Variants in GUF1 observed in about 807,000 individuals in gnomAD.
GUF1 encodes the protein GTP binding elongation factor GUF1, also known as translation factor GUF1, mitochondrial.
GUF1 carries 78 observed loss-of-function variants against 82.4 expected under a neutral mutation model. The ratio of observed to expected loss-of-function variants is 0.95; its 90% CI spans 0.79 to 1.14. GUF1 has a LOEUF of 1.14. GUF1 is among the 50% of genes most tolerant of loss of function. The pLI is 0.00. For missense variants in GUF1, 814 were observed against 798.2 expected, an observed-to-expected ratio of 1.02 and a Z score of -0.24; for synonymous variants, 279 against 282.3, an observed-to-expected ratio of 0.99 and a Z score of 0.12.
chr4:44,696,500 T>C (rs1352791391), intron 15 of GUF1, among the ~76,000 whole-genome samples: 1 of 152,202 alleles, frequency 6.6e-6, no homozygotes, highest in East Asian at 1.9e-4. Flanking sequence ...ATGTGTCTTG[T>C]AGCACTTCCC....
At chr4:44,688,640 C>T (rs1358840611) in intron 9 of GUF1, among the ~76,000 whole-genome samples, 2 of 151,864 alleles carry the variant, frequency 1.3e-5, no homozygotes, top group Non-Finnish European at 2.9e-5. Flanking sequence ...GATTGAAGGT[C>T]ATCAGGTTAC....
At position 44,698,763 on chromosome 4, in the gene GUF1, T is replaced by C; in HGVS notation, c.*82T>C. On this transcript the variant is annotated 3_prime_UTR_variant, in exon 17 of 17. Transcript: ENST00000281543. ...AAAATTATAAAATTTGCTTGTTACTTTCAGGGTATTCAGGTTCAAATAACC... is the reference window on the plus strand; with the variant it reads ...AAAATTATAAAATTTGCTTGTTACTCTCAGGGTATTCAGGTTCAAATAACC... 1 of 1,242,760 alleles carries C rather than the reference T, an allele frequency of 8.0e-7. No homozygotes were observed. Among genetic ancestry groups the C allele is most frequent in the Non-Finnish European group, 1.1e-6 (1 of 895,396 alleles). 77.0% of individuals were successfully genotyped at this position (1,242,760 alleles called of 1,614,324 possible). A position where few individuals can be genotyped will look rare whatever the true frequency, so the allele number is the denominator to read the frequency against.
chr4:44,682,758 A>G (rs552975856), intron 5 of GUF1: 23 of 171,972 alleles, frequency 1.3e-4, no homozygotes, highest in Non-Finnish European at 2.7e-4. Context: ...AAGCATGACA[A>G]TTTAGTGCTA....
Position 44,678,688 on chromosome 4 carries a change from C to G in GUF1, c.66C>G (p.Ala22=), listed in dbSNP as rs759721420. 1.9e-5 allele frequency: 29 copies of G among 1,502,810 alleles called. No homozygotes were observed. Among genetic ancestry groups the G allele is most frequent in the Non-Finnish European group, 2.4e-5 (27 of 1,139,944 alleles). 93.1% of individuals were successfully genotyped at this position (1,502,810 alleles called of 1,614,324 possible). ...ARALAPRATG[A]ALLVAPGPRS... ...CTCTCGCGCCACGAGCCACTGGGGC[C>G]GCGCTTCTGGTGGCCCCGGGGCCCC... Residue 22 remains alanine (A), a synonymous_variant, in exon 1 of 17, where the codon GCC becomes GCG. Coordinates refer to ENST00000281543, the MANE Select transcript of GUF1 (RefSeq NM_021927.3).
Position 44,680,680 on chromosome 4 carries a change from G to A in GUF1, c.278-14G>A. On this transcript the variant is annotated splice_polypyrimidine_tract_variant and intron_variant, in intron 2 of 16. Transcript: ENST00000281543. ...AAAGCCCAGAGAAATATCAATAAGT[G>A]TTTCTGTTTATAGGGACAATTGATA... 6.5e-7 allele frequency: 1 copy of A among 1,541,900 alleles called. No homozygotes were observed. The highest frequency in any genetic ancestry group is 8.8e-7 in the Non-Finnish European group (1 of 1,136,982).
In GUF1 at chr4:44,685,985, T is replaced by G; in HGVS notation, c.696T>G (p.Val232=). Residue 232 remains valine (V), a synonymous_variant, in exon 7 of 17, where the codon GTT becomes GTG. Coordinates refer to ENST00000281543, the MANE Select transcript of GUF1 (RefSeq NM_021927.3). The part of the protein sequence containing the change: ...IKISAKLGTN[V]ESVLQAIIER... ...TTTCTGCTAAACTTGGAACAAATGT[T>G]GAGAGTGTTCTTCAGGCAATTATTG... 6.2e-7 allele frequency: 1 copy of G among 1,606,920 alleles called. No individual in the cohort carries two copies. Among genetic ancestry groups the G allele is most frequent in the South Asian group, 1.1e-5 (1 of 90,932 alleles).
At chr4:44,690,515 G>C (rs1260085710) in intron 11 of GUF1, among the ~76,000 whole-genome samples, 2 of 151,670 alleles carry the variant, frequency 1.3e-5, no homozygotes, top group Non-Finnish European at 3.0e-5. Context: ...TCAGGTTAAA[G>C]TGTATTCTTT....
intron 12 of GUF1, among the ~76,000 whole-genome samples, chr4:44,691,136 G>T (rs4472171): frequency 6.6e-6 from 1 of 151,410 alleles, no homozygotes; most frequent in South Asian, 2.1e-4. Flanking sequence ...GTATAATTTC[G>T]CCTTTTTGAG....
chr4:44,695,650 A>G lies in GUF1; in HGVS notation c.1751A>G (p.Glu584Gly). The change falls in exon 15 of 17, where the codon GAA becomes GGA. Residue 584 changes from glutamate to glycine, a missense_variant. Transcript: ENST00000281543. ...CATTCAATTGGCAAAGCCATATGTG[A>G]ACGGCTGAAGGATTCTCTTCCTAGG... is the stretch of plus-strand genomic sequence containing the variant. ...KAHSIGKAIC[E>G]RLKDSLPRQL... The G allele has an allele frequency of 6.2e-7, 1 of 1,613,230 alleles. No individual in the cohort carries two copies. Among genetic ancestry groups the G allele is most frequent in the Non-Finnish European group, 8.5e-7 (1 of 1,179,338 alleles).
intron 6 of GUF1, among the ~76,000 whole-genome samples, chr4:44,685,510 A>G (rs1165396057): frequency 6.6e-6 from 1 of 152,098 alleles, no homozygotes; most frequent in East Asian, 1.9e-4. Flanking sequence ...CTGGTGTGAG[A>G]ACACTAAAGT....
Position 44,686,721 on chromosome 4 carries a change from A to T in GUF1, c.938+8A>T. On this transcript the variant is annotated splice_region_variant and intron_variant, in intron 8 of 16. Coordinates refer to ENST00000281543, the MANE Select transcript of GUF1 (RefSeq NM_021927.3). ...GCAGCCAACTCATAAATTGTAAGTAATCTGCATTAGTAAAATTAAAATGCA... is the reference window on the plus strand; with the variant it reads ...GCAGCCAACTCATAAATTGTAAGTATTCTGCATTAGTAAAATTAAAATGCA... The T allele has an allele frequency of 1.3e-6, 2 of 1,557,764 alleles. No individual in the cohort carries two copies. The highest frequency in any genetic ancestry group is 1.8e-6 in the Non-Finnish European group (2 of 1,129,818).
Position 44,685,424 on chromosome 4 carries a change from G to T in GUF1, c.670-535G>T, listed in dbSNP as rs192628352. The stretch of plus-strand genomic sequence containing the variant: ...TGAAGAGTAAGAAGTTTGAAGTCAG[G>T]ATTTCAGAGATAGTCCATTTATTAC... On this transcript the variant is annotated intron_variant, in intron 6 of 16. Coordinates refer to ENST00000281543, the MANE Select transcript of GUF1 (RefSeq NM_021927.3). Among the ~76,000 whole-genome samples, 1,176 of 152,136 alleles carry T rather than the reference G, an allele frequency of 7.7e-3. 11 individuals are homozygous for T. The highest frequency in any genetic ancestry group is 0.027 in the African/African-American group (1,122 of 41,524).
Position 44,689,287 on chromosome 4 carries a change from A to G in GUF1, c.1080A>G (p.Gly360=). 1 of 1,587,652 alleles carries G rather than the reference A, an allele frequency of 6.3e-7. No homozygotes were observed. The highest frequency in any genetic ancestry group is 2.3e-5 in the East Asian group (1 of 43,484). Residue 360 remains glycine (G), a splice_region_variant and synonymous_variant, in exon 10 of 17, where the codon GGA becomes GGG. Transcript: ENST00000281543. ...FKSAKPMVFA[G]MYPLDQSEYN... is the part of the protein sequence containing the mutation. ...AATTAGAAATCATTGTATCCCCAGG[A>G]ATGTATCCTCTAGACCAATCTGAAT...
chr4:44,686,752 A>G (rs199680861), intron 8 of GUF1, 39 bp downstream of exon 8: 3 of 1,325,882 alleles, frequency 2.3e-6, no homozygotes, highest in East Asian at 2.3e-5. Flanking sequence ...ATGCATTTGT[A>G]TGTGGTTCTA....
chr4:44,694,540 A>G (rs778808772), intron 14 of GUF1, 27 bp downstream of exon 14: 1 of 1,228,614 alleles, frequency 8.1e-7, no homozygotes, highest in East Asian at 2.4e-5. Context: ...CTAATCATGG[A>G]ATGTGAAAAT....
rs1327850962 is a variant in GUF1, at chr4:44,680,743, A to G, written c.327A>G (p.Gln109=). The change falls in exon 3 of 17, where the codon CAA becomes CAG. Residue 109 remains glutamine (Q), a synonymous_variant. Coordinates refer to ENST00000281543, the MANE Select transcript of GUF1 (RefSeq NM_021927.3). ...KNNKQVLDKL[Q]VERERGITVK... ...ATAAGCAGGTTCTTGATAAATTGCAAGTGGAACGAGAAAGAGGAATCACTG... is the reference window on the plus strand; with the variant it reads ...ATAAGCAGGTTCTTGATAAATTGCAGGTGGAACGAGAAAGAGGAATCACTG... 1.2e-6 allele frequency: 2 copies of G among 1,611,486 alleles called. No individual in the cohort carries two copies. The highest frequency in any genetic ancestry group is 3.3e-5 in the Admixed American group (2 of 59,916).
chr4:44,680,782 A>C lies in GUF1; in HGVS notation c.366A>C (p.Thr122=). Residue 122 remains threonine, a synonymous_variant, in exon 3 of 17, where the codon ACA becomes ACC. Transcript: ENST00000281543. ...RERGITVKAQ[T]ASLFYNCEGK... is the part of the protein sequence containing the mutation. Reference sequence around the variant, plus strand: ...GAGGAATCACTGTTAAAGCACAGACAGCATCTCTCTTTTACAATTGTGAAG... The same window carrying C: ...GAGGAATCACTGTTAAAGCACAGACCGCATCTCTCTTTTACAATTGTGAAG... 6.2e-7 allele frequency: 1 copy of C among 1,612,102 alleles called. No homozygotes were observed. Among genetic ancestry groups the C allele is most frequent in the Non-Finnish European group, 8.5e-7 (1 of 1,178,466 alleles).
chr4:44,686,376 A>ATTT (rs1715050166), intron 7 of GUF1, 134 bp from the exon 8 acceptor site: 1 of 506,708 alleles, frequency 2.0e-6, no homozygotes, highest in Non-Finnish European at 3.4e-6. Context: ...ATTTTATAAA[A>ATTT]AGGTCTTTTT....
At chr4:44,687,691 T>C (rs1163865255) in intron 8 of GUF1, among the ~76,000 whole-genome samples, 1 of 151,996 alleles carries the variant, frequency 6.6e-6, no homozygotes, top group Non-Finnish European at 1.5e-5. Context: ...AGTGTACTTA[T>C]TATAATGCTT....
Sources: allele counts gnomAD v4.1 joint callset (sites outside exome capture counted in the v4.1 genomes callset), GRCh38; gene constraint gnomAD v4.1.1; transcripts MANE v1.5; gene names NCBI Gene and HGNC (gene_info 2026-07-23, HGNC 2026-07-21).